The following ANK3 variants were observed in gnomAD, a reference collection of about 807,000 sequenced individuals.
The protein encoded by ANK3 is ankyrin-3.
In ANK3, 57 loss-of-function variants were observed where a neutral mutation model predicts 370.9. The observed-to-expected ratio is 0.15, with a 90% CI of 0.12 to 0.19. The LOEUF (loss-of-function observed/expected upper bound fraction) is 0.19. Among genes scored for constraint, ANK3 ranks in the 10% least tolerant of loss-of-function variants. ANK3 has a pLI of 1.00. For synonymous variants in ANK3, 1,929 were observed against 1,946.3 expected, an observed-to-expected ratio of 0.99 and a Z score of 0.23; for missense variants, 4,439 against 5,302.1, an observed-to-expected ratio of 0.84 and a Z score of 5.06.
At chr10:60,641,403 A>T (rs1184907895) in intron 1 of ANK3, among the ~76,000 whole-genome samples, 1 of 152,100 alleles carries the variant, frequency 6.6e-6, no homozygotes, top group Non-Finnish European at 1.5e-5. Context: ...ACAGTAACCA[A>T]AACAGCATGG....
intron 42 of ANK3, among the ~76,000 whole-genome samples, chr10:60,046,129 C>A (rs1054621476): frequency 2.0e-5 from 3 of 152,092 alleles, no homozygotes; most frequent in African/African-American, 7.2e-5. Flanking sequence ...GGGAGAAAAA[C>A]TGGAAAAATG....
chr10:60,537,622 A>G (rs924373807), intron 2 of ANK3, among the ~76,000 whole-genome samples: 29 of 151,996 alleles, frequency 1.9e-4, no homozygotes, highest in African/African-American at 7.0e-4. Flanking sequence ...AAATTTATGG[A>G]AGAAAATGGA....
At chr10:60,558,225 T>G (rs958001701) in intron 2 of ANK3, among the ~76,000 whole-genome samples, 1 of 152,228 alleles carries the variant, frequency 6.6e-6, no homozygotes, top group South Asian at 2.1e-4. Context: ...TTTCTGATAT[T>G]AGAAAATGGG....
intron 1 of ANK3, among the ~76,000 whole-genome samples, chr10:60,690,353 G>T (rs997874030): frequency 6.6e-6 from 1 of 152,048 alleles, no homozygotes; most frequent in Non-Finnish European, 1.5e-5. Context: ...TTGACAAGAC[G>T]GTTCCTGGAA....
intron 37 of ANK3, among the ~76,000 whole-genome samples, chr10:60,068,245 G>A (rs1017671106): frequency 2.0e-5 from 3 of 152,140 alleles, no homozygotes; most frequent in Non-Finnish European, 1.5e-5. Flanking sequence ...ACATGCTGAC[G>A]AGCTAGCTAG....
intron 28 of ANK3, among the ~76,000 whole-genome samples, chr10:60,104,405 G>GAAAGA (rs71015766): frequency 0.23 from 19,458 of 84,520 alleles, 2,969 homozygotes; most frequent in Non-Finnish European, 0.31. Flanking sequence ...AACAAAGAAA[G>GAAAGA]AAAGAAAAGA....
chr10:60,201,353 G>A (rs527927522), intron 12 of ANK3, among the ~76,000 whole-genome samples: 8 of 152,328 alleles, frequency 5.3e-5, no homozygotes, highest in Middle Eastern at 3.4e-3. Context: ...CAGGGTAAGC[G>A]TGCAGGGCCT....
intron 1 of ANK3, among the ~76,000 whole-genome samples, chr10:60,380,287 A>C (rs1416589919): frequency 6.6e-6 from 1 of 152,094 alleles, no homozygotes; most frequent in Non-Finnish European, 1.5e-5. Context: ...GAGATTTCCT[A>C]GGGGGAGGAA....
intron 16 of ANK3, among the ~76,000 whole-genome samples, chr10:60,193,188 A>C (rs1425281575): frequency 6.6e-6 from 1 of 152,248 alleles, no homozygotes; most frequent in Non-Finnish European, 1.5e-5. Flanking sequence ...TTAATTGACT[A>C]TAAAAATATG....
In ANK3 at chr10:60,082,751, G is replaced by T; in HGVS notation, c.4201-14C>A. The T allele has an allele frequency of 6.2e-7, 1 of 1,608,396 alleles. No individual in the cohort carries two copies. The highest frequency in any genetic ancestry group is 8.5e-7 in the Non-Finnish European group (1 of 1,178,586). ...GGTGTCTCTAATCTAGAAGAATTTTGGTAGTTGATGGTTATAGAATGAGAC... is the reference window on the plus strand; with the variant it reads ...GGTGTCTCTAATCTAGAAGAATTTTTGTAGTTGATGGTTATAGAATGAGAC... On this transcript the variant is annotated splice_polypyrimidine_tract_variant and intron_variant, in intron 33 of 43. Coordinates refer to ENST00000280772, the MANE Select transcript of ANK3 (RefSeq NM_020987.5).
intron 2 of ANK3, among the ~76,000 whole-genome samples, chr10:60,543,140 T>C (rs1378215711): frequency 6.6e-6 from 1 of 151,820 alleles, no homozygotes. Flanking sequence ...CATTGACAAA[T>C]ATCAAAAAGT....
intron 2 of ANK3, among the ~76,000 whole-genome samples, chr10:60,486,602 T>C (rs1362504264): frequency 3.9e-5 from 6 of 152,264 alleles, no homozygotes; most frequent in South Asian, 2.1e-4. Flanking sequence ...ATGAAACCTA[T>C]GGTTATTTGT....
intron 1 of ANK3, among the ~76,000 whole-genome samples, chr10:60,330,672 T>C (rs961475024): frequency 6.6e-6 from 1 of 151,706 alleles, no homozygotes. Context: ...TTGGGGGGAG[T>C]GTAAATTAGT....
In ANK3 at chr10:60,118,669, T is replaced by C. The variant is rs915871929; in HGVS notation, c.2842-4338A>G. On this transcript the variant is annotated intron_variant, in intron 25 of 43. Coordinates refer to ENST00000280772, the MANE Select transcript of ANK3 (RefSeq NM_020987.5). The stretch of plus-strand genomic sequence containing the variant: ...TGATGTTCCTTTAATTTTTTTGGCA[T>C]GAGTGGAGTGGAGGGCAAGCTACAG... 4.0e-5 allele frequency among the ~76,000 whole-genome samples: 6 copies of C among 151,782 alleles called. No individual in the cohort carries two copies. The South Asian group carries it at 8.3e-4, about 21-fold the overall frequency.
chr10:60,253,387 A>G (rs767608720), intron 7 of ANK3, among the ~76,000 whole-genome samples: 54 of 152,190 alleles, frequency 3.5e-4, no homozygotes, highest in Non-Finnish European at 3.1e-4. Flanking sequence ...TCACTTAGAA[A>G]TGGCACCTCT....
At chr10:60,096,553 G>C (rs887908613) in intron 28 of ANK3, among the ~76,000 whole-genome samples, 3 of 152,140 alleles carry the variant, frequency 2.0e-5, no homozygotes, top group African/African-American at 4.8e-5. Context: ...CAGATTGCTG[G>C]GCTTCTGACT....
At chr10:60,276,667 G>A (rs1160137102) in intron 4 of ANK3, among the ~76,000 whole-genome samples, 2 of 152,188 alleles carry the variant, frequency 1.3e-5, no homozygotes, top group Non-Finnish European at 2.9e-5. Flanking sequence ...TTCAACTGCA[G>A]TTTCTCCCAA....
At chr10:60,680,917 G>T (rs1244085876) in intron 1 of ANK3, among the ~76,000 whole-genome samples, 2 of 152,164 alleles carry the variant, frequency 1.3e-5, no homozygotes, top group Non-Finnish European at 2.9e-5. Flanking sequence ...ACTGTGAACA[G>T]TTAACAATAT....
At chr10:60,486,844 T>C (rs1033893176) in intron 2 of ANK3, among the ~76,000 whole-genome samples, 1 of 152,214 alleles carries the variant, frequency 6.6e-6, no homozygotes, top group Non-Finnish European at 1.5e-5. Context: ...CAATTTTCTG[T>C]AGTATATACA....
Sources: gnomAD v4.1 joint callset for allele counts (sites outside exome capture counted in the v4.1 genomes callset) on GRCh38, gnomAD v4.1.1 for gene constraint, MANE v1.5 for transcripts, NCBI Gene and HGNC (gene_info 2026-07-23, HGNC 2026-07-21) for gene names.